Variants in MACROD2 observed in about 807,000 individuals in gnomAD.
MACROD2 encodes mono-ADP ribosylhydrolase 2.
MACROD2 carries 36 observed loss-of-function variants against 70.4 expected under a neutral mutation model. The ratio of observed to expected loss-of-function variants is 0.51; its 90% CI spans 0.39 to 0.68. The LOEUF is 0.68. Among genes scored for constraint, MACROD2 ranks in the 30% least tolerant of loss-of-function variants. The pLI, the probability that MACROD2 is intolerant of heterozygous loss-of-function variation, is 0.00. For missense variants in MACROD2, 496 were observed against 538.4 expected (o/e 0.92, Z 0.78); for synonymous variants, 172 against 178.8 (o/e 0.96, Z 0.30).
chr20:14,296,031 T>C (rs546549824), intron 3 of MACROD2, among the ~76,000 whole-genome samples: 2 of 151,834 alleles, frequency 1.3e-5, no homozygotes, highest in Admixed American at 1.3e-4. Context: ...GTTGGAATCG[T>C]CTATCTATAT....
intron 2 of MACROD2, among the ~76,000 whole-genome samples, chr20:14,071,259 T>TTTG (rs2053835880): frequency 9.4e-6 from 1 of 106,204 alleles, no homozygotes; most frequent in East Asian, 2.3e-4. Context: ...TGTGTTTTTT[T>TTTG]TTTTTTTTTT....
chr20:14,372,225 T>C (rs990177242), intron 3 of MACROD2, among the ~76,000 whole-genome samples: 1 of 152,164 alleles, frequency 6.6e-6, no homozygotes, highest in Non-Finnish European at 1.5e-5. Flanking sequence ...GAACTTCAAA[T>C]AATTTTACTA....
At chr20:14,363,485 G>C (rs1309823454) in intron 3 of MACROD2, among the ~76,000 whole-genome samples, 3 of 152,168 alleles carry the variant, frequency 2.0e-5, no homozygotes, top group Non-Finnish European at 4.4e-5. Flanking sequence ...GACTGGCTCA[G>C]TGAATTCTCT....
intron 6 of MACROD2, among the ~76,000 whole-genome samples, chr20:15,256,918 G>A (rs867473381): frequency 5.3e-5 from 8 of 151,702 alleles, no homozygotes; most frequent in South Asian, 4.2e-4. Context: ...CAGAAAAAGA[G>A]CCTATTTTCG....
chr20:14,288,938 C>G (rs1440487737), intron 3 of MACROD2, among the ~76,000 whole-genome samples: 1 of 152,200 alleles, frequency 6.6e-6, no homozygotes, highest in Non-Finnish European at 1.5e-5. Context: ...CTTTACCTGA[C>G]CCTTGAGCCT....
intron 8 of MACROD2, among the ~76,000 whole-genome samples, chr20:15,763,864 A>C (rs138168729): frequency 1.1e-3 from 175 of 152,354 alleles, no homozygotes; most frequent in African/African-American, 4.2e-3. Context: ...TTTATAATGC[A>C]TGAATAAAAA....
intron 7 of MACROD2, among the ~76,000 whole-genome samples, chr20:15,432,088 G>T (rs1372081047): frequency 6.6e-6 from 1 of 151,852 alleles, no homozygotes; most frequent in Non-Finnish European, 1.5e-5. Flanking sequence ...CCATTAATAA[G>T]TCTGTTTTAT....
chr20:14,380,315 C>T (rs570489179), intron 3 of MACROD2, among the ~76,000 whole-genome samples: 1 of 152,172 alleles, frequency 6.6e-6, no homozygotes, highest in Non-Finnish European at 1.5e-5. Context: ...GGATATTTAA[C>T]ACTCATGTGA....
chr20:14,764,239 A>T (rs886125016), intron 5 of MACROD2, among the ~76,000 whole-genome samples: 3 of 152,062 alleles, frequency 2.0e-5, no homozygotes, highest in African/African-American at 7.3e-5. Context: ...CTCCAGGACT[A>T]TGGTCCTGTC....
At chr20:15,094,994 C>A (rs1377183438) in intron 5 of MACROD2, among the ~76,000 whole-genome samples, 1 of 143,822 alleles carries the variant, frequency 7.0e-6, no homozygotes, top group Non-Finnish European at 1.5e-5. Context: ...GTCACACTTT[C>A]TTCAAAGACC....
chr20:15,815,668 A>G (rs998939242), intron 8 of MACROD2, among the ~76,000 whole-genome samples: 1 of 152,200 alleles, frequency 6.6e-6, no homozygotes, highest in African/African-American at 2.4e-5. Flanking sequence ...TAAAATATTC[A>G]GATATAATGG....
At chr20:14,708,093 G>C (rs2071291200) in intron 5 of MACROD2, among the ~76,000 whole-genome samples, 2 of 152,086 alleles carry the variant, frequency 1.3e-5, no homozygotes, top group South Asian at 4.1e-4. Context: ...TAACTCACAG[G>C]ATTGTTCTAA....
chr20:15,951,298 T>G (rs2065900141), intron 12 of MACROD2, among the ~76,000 whole-genome samples: 1 of 137,194 alleles, frequency 7.3e-6, no homozygotes. Context: ...GGAGGATATA[T>G]TTATCTAGAC....
chr20:15,295,612 C>T (rs1468020333), intron 6 of MACROD2, among the ~76,000 whole-genome samples: 1 of 140,376 alleles, frequency 7.1e-6, no homozygotes, highest in Non-Finnish European at 1.6e-5. Context: ...CACACACACA[C>T]ACACACACAC....
At chr20:14,747,991 G>A (rs1473952698) in intron 5 of MACROD2, among the ~76,000 whole-genome samples, 1 of 151,992 alleles carries the variant, frequency 6.6e-6, no homozygotes, top group Non-Finnish European at 1.5e-5. Context: ...GTTCTCAAAT[G>A]TTTCTTTGGA....
At chr20:14,413,031 T>C (rs2083766359) in intron 3 of MACROD2, among the ~76,000 whole-genome samples, 1 of 152,166 alleles carries the variant, frequency 6.6e-6, no homozygotes, top group South Asian at 2.1e-4. Context: ...TCTCAGGCCC[T>C]GTGGGATGTT....
rs1309862299 is a variant in MACROD2, at chr20:14,024,991, G to A, written c.163+22587G>A. On this transcript the variant is annotated intron_variant, in intron 2 of 17. Coordinates refer to ENST00000684519, the MANE Select transcript of MACROD2 (RefSeq NM_001351661.2). ...CTCTGGTAGAATTCAATTGTTAATT[G>A]TCTGGTCCTGGGCTTTTTTTGGTTA... is the stretch of plus-strand genomic sequence containing the variant. Among the ~76,000 whole-genome samples, 3 of 151,956 alleles carry A rather than the reference G, an allele frequency of 2.0e-5. No homozygotes were observed. The East Asian group carries it at 5.8e-4, about 29-fold the overall frequency.
intron 5 of MACROD2, among the ~76,000 whole-genome samples, chr20:14,730,359 C>G (rs116009096): frequency 0.011 from 1,627 of 152,214 alleles, 19 homozygotes; most frequent in African/African-American, 0.037. Flanking sequence ...ACTCCAGAGA[C>G]AAGACTAAAA....
intron 6 of MACROD2, among the ~76,000 whole-genome samples, chr20:15,309,003 C>T (rs2146142894): frequency 6.6e-6 from 1 of 152,286 alleles, no homozygotes; most frequent in South Asian, 2.1e-4. Context: ...GGGTCTGTCG[C>T]TTCTCTGTCC....
Sources: allele counts gnomAD v4.1 joint callset (sites outside exome capture counted in the v4.1 genomes callset), GRCh38; gene constraint gnomAD v4.1.1; transcripts MANE v1.5; gene names NCBI Gene and HGNC (gene_info 2026-07-23, HGNC 2026-07-21).